Variants in ABLIM2 observed in about 807,000 individuals in gnomAD.
The protein encoded by ABLIM2 is actin-binding LIM protein 2.
A neutral mutation model predicts 97.7 loss-of-function variants in ABLIM2; 53 were observed. That is an observed-to-expected ratio of 0.54 (90% CI 0.44 to 0.68). The LOEUF is 0.68. ABLIM2 is among the 30% of genes least tolerant of loss of function. ABLIM2 has a pLI of 0.00. For missense variants in ABLIM2, 835 were observed against 867.2 expected (o/e 0.96, Z 0.47); for synonymous variants, 361 against 345.8 (o/e 1.04, Z -0.49).
rs1255650906 is a variant in ABLIM2 at position 8,112,684 on chromosome 4, C to T, written c.11-6047G>A. Among the ~76,000 whole-genome samples the T allele has an allele frequency of 6.6e-6, 1 of 152,198 alleles. No homozygotes were observed. Among genetic ancestry groups the T allele is most frequent in the African/African-American group, 2.4e-5 (1 of 41,442 alleles). ...CCCAGGGACACCACAGTGAACACAA[C>T]AGCCACGGTCCCAGCCCTCGACATT... On this transcript the variant is annotated intron_variant, in intron 1 of 20. Transcript: ENST00000447017. This position sits in a 1 kb window ranked among gnomAD's most constrained non-coding sequence, Gnocchi z 4.2.
intron 7 of ABLIM2, among the ~76,000 whole-genome samples, chr4:8,055,643 G>A (rs1055422457): frequency 2.0e-5 from 3 of 152,212 alleles, no homozygotes; most frequent in Non-Finnish European, 4.4e-5. Flanking sequence ...GTGCAATGAG[G>A]GAACTTATCC....
At chr4:8,154,878 C>A (rs938446222) in intron 1 of ABLIM2, among the ~76,000 whole-genome samples, 17 of 152,210 alleles carry the variant, frequency 1.1e-4, no homozygotes, top group South Asian at 2.1e-4. Flanking sequence ...GCTAGGGAGG[C>A]CTCGCAATCA....
intron 20 of ABLIM2, among the ~76,000 whole-genome samples, chr4:7,979,005 C>T (rs530126782): frequency 6.6e-6 from 1 of 152,304 alleles, no homozygotes; most frequent in South Asian, 2.1e-4. Context: ...TTCACAGCCT[C>T]ACCTGCACAC....
At chr4:8,047,402 C>T (rs539394905) in intron 8 of ABLIM2, among the ~76,000 whole-genome samples, 21 of 152,040 alleles carry the variant, frequency 1.4e-4, no homozygotes, top group Admixed American at 5.9e-4. Context: ...TCCTCCTCCT[C>T]CTCTTCCTCC....
At chr4:7,984,233 C>A (rs527975333) in intron 18 of ABLIM2, among the ~76,000 whole-genome samples, 2 of 152,234 alleles carry the variant, frequency 1.3e-5, no homozygotes, top group Non-Finnish European at 2.9e-5. Flanking sequence ...GACCTGCTGG[C>A]TCTGAGGCCC....
intron 10 of ABLIM2, among the ~76,000 whole-genome samples, chr4:8,034,457 A>T (rs1013340108): frequency 1.9e-5 from 2 of 105,406 alleles, no homozygotes; most frequent in African/African-American, 7.4e-5. Context: ...GGTGTGTGGT[A>T]GGTAGGTGCT....
chr4:7,993,170 A>G (rs564047939), intron 16 of ABLIM2, among the ~76,000 whole-genome samples: 1 of 152,234 alleles, frequency 6.6e-6, no homozygotes, highest in Non-Finnish European at 1.5e-5. Flanking sequence ...ACAGAACCTC[A>G]GCCCAGCTGG....
At chr4:8,008,460 G>T (rs1762784656) in intron 15 of ABLIM2, among the ~76,000 whole-genome samples, 2 of 152,216 alleles carry the variant, frequency 1.3e-5, no homozygotes, top group African/African-American at 4.8e-5. Context: ...GAGGCTCTGG[G>T]AGGCCAGGGG....
Position 8,087,843 on chromosome 4 carries a change from C to T in ABLIM2, c.454+326G>A, listed in dbSNP as rs567628469. 3.2e-4 allele frequency among the ~76,000 whole-genome samples: 48 copies of T among 152,116 alleles called. No individual in the cohort carries two copies. Among genetic ancestry groups the T allele is most frequent in the Admixed American group, 1.4e-3 (21 of 15,284 alleles). On this transcript the variant is annotated intron_variant, in intron 4 of 20. Coordinates refer to ENST00000447017, the MANE Select transcript of ABLIM2 (RefSeq NM_001130083.2). This position sits in a 1 kb window ranked among gnomAD's most constrained non-coding sequence, Gnocchi z 4.6. ...CAGCCAGTGCAAAGACTTGGCGGCACGAGAGCCCCAGAAACTTCCATCCCT... is the reference window on the plus strand; with the variant it reads ...CAGCCAGTGCAAAGACTTGGCGGCATGAGAGCCCCAGAAACTTCCATCCCT...
chr4:8,077,537 GCA>G, intron 6 of ABLIM2, 89 bp downstream of exon 6: 4 of 1,248,666 alleles, frequency 3.2e-6, no homozygotes, highest in Non-Finnish European at 4.5e-6. Context: ...ACAGATTCTT[GCA>G]CAAACACACA....
chr4:7,995,546 G>A (rs1232818365), intron 16 of ABLIM2, among the ~76,000 whole-genome samples: 4 of 152,182 alleles, frequency 2.6e-5, no homozygotes, highest in African/African-American at 9.7e-5. Context: ...GACTCAATGA[G>A]GACAGAGAAG....
At chr4:8,051,576 A>AAG (rs1430456306) in intron 8 of ABLIM2, among the ~76,000 whole-genome samples, 4 of 151,356 alleles carry the variant, frequency 2.6e-5, no homozygotes, top group Admixed American at 2.6e-4. Flanking sequence ...AAAAAAAAAA[A>AAG]AAAGAAAAGA....
chr4:8,127,770 T>G lies in ABLIM2; in HGVS notation c.11-21133A>C. On this transcript the variant is annotated intron_variant, in intron 1 of 20. Coordinates refer to ENST00000447017, the MANE Select transcript of ABLIM2 (RefSeq NM_001130083.2). This position sits in a 1 kb window ranked among gnomAD's most constrained non-coding sequence, Gnocchi z 7.3. ...CCAAGCCCTTCCCGGCACACTGAAA[T>G]AGACTCCCGCCACACTATGCGCCAG... 1.1e-6 allele frequency: 1 copy of G among 937,708 alleles called. No homozygotes were observed. The highest frequency in any genetic ancestry group is 4.9e-5 in the South Asian group (1 of 20,314). The allele number at this position is 937,708 out of a possible 1,614,324, so 58.1% of individuals were successfully genotyped here.
chr4:8,056,261 T>C (rs138309438), intron 7 of ABLIM2, among the ~76,000 whole-genome samples: 14 of 151,576 alleles, frequency 9.2e-5, no homozygotes, highest in African/African-American at 2.9e-4. Flanking sequence ...TACCTACAAA[T>C]GGAAGGGGTT....
At position 8,081,213 on chromosome 4, in the gene ABLIM2, G is replaced by GT. The variant is rs139489906; in HGVS notation, c.455-412dup. Among the ~76,000 whole-genome samples, 12 of 152,048 alleles carry GT rather than the reference G, an allele frequency of 7.9e-5. No individual in the cohort carries two copies. The East Asian group carries it at 2.1e-3, about 27-fold the overall frequency. On this transcript the variant is annotated intron_variant, in intron 4 of 20. Coordinates refer to ENST00000447017, the MANE Select transcript of ABLIM2 (RefSeq NM_001130083.2). ...GAGCCAGCCCCCAGCCCCCAACCCC[G>GT]TCAGCCCTGGGAGCTCTCCCGCCAC... is the stretch of plus-strand genomic sequence containing the variant.
intron 20 of ABLIM2, among the ~76,000 whole-genome samples, chr4:7,972,613 A>G (rs1729026282): frequency 6.6e-6 from 1 of 151,980 alleles, no homozygotes; most frequent in South Asian, 2.1e-4. Flanking sequence ...CTGCCTCCCA[A>G]CACCTCCAGC....
chr4:8,108,164 A>C (rs1170871663), intron 1 of ABLIM2, among the ~76,000 whole-genome samples: 2 of 152,214 alleles, frequency 1.3e-5, no homozygotes, highest in African/African-American at 4.8e-5. Flanking sequence ...GCAGTGGTCA[A>C]CCTGTCAGAT....
In ABLIM2 at chr4:8,128,063, G is replaced by A. The variant is rs1311736142; in HGVS notation, c.11-21426C>T. 1.3e-5 allele frequency among the ~76,000 whole-genome samples: 2 copies of A among 152,206 alleles called. No individual in the cohort carries two copies. The highest frequency in any genetic ancestry group is 2.4e-5 in the African/African-American group (1 of 41,448). Reference sequence around the variant, plus strand: ...GACATGAAGGTGCCAGCAGGACCCTGCTCTTCACAGGGGTATAGGGAGCTC... The same window carrying A: ...GACATGAAGGTGCCAGCAGGACCCTACTCTTCACAGGGGTATAGGGAGCTC... On this transcript the variant is annotated intron_variant, in intron 1 of 20. Coordinates refer to ENST00000447017, the MANE Select transcript of ABLIM2 (RefSeq NM_001130083.2). This position sits in a 1 kb window ranked among gnomAD's most constrained non-coding sequence, Gnocchi z 4.9.
chr4:8,024,476 C>T lies in ABLIM2; in HGVS notation c.1267+3283G>A, dbSNP rs573347046. Among the ~76,000 whole-genome samples, 14 of 152,258 alleles carry T rather than the reference C, an allele frequency of 9.2e-5. No individual in the cohort carries two copies. The East Asian group carries it at 2.5e-3, about 27-fold the overall frequency. On this transcript the variant is annotated intron_variant, in intron 12 of 20. Transcript: ENST00000447017. ...TACAGTGCCGTCCGGAGGGAAATGT[C>T]CACTGAGAGGGGCCAGAGACGCCAG...
Sources: gnomAD v4.1 joint callset for allele counts (sites outside exome capture counted in the v4.1 genomes callset) on GRCh38, gnomAD v4.1.1 for gene constraint, Gnocchi (gnomAD v3.1) non-coding constraint, MANE v1.5 for transcripts, NCBI Gene and HGNC (gene_info 2026-07-23, HGNC 2026-07-21) for gene names.